Variants in SLFN14 observed in about 807,000 individuals in gnomAD.
The protein encoded by SLFN14 is schlafen family member 14.
In SLFN14, 47 loss-of-function variants were observed where a neutral mutation model predicts 58.6. The observed-to-expected ratio is 0.80, with a 90% CI of 0.64 to 1.02. The LOEUF (loss-of-function observed/expected upper bound fraction) is 1.02. Among genes scored for constraint, SLFN14 ranks in the 50% least tolerant of loss-of-function variants. SLFN14 has a pLI of 0.00. For synonymous variants in SLFN14, 390 were observed against 387.3 expected, an observed-to-expected ratio of 1.01 and a Z score of -0.08; for missense variants, 967 against 1,078.4, an observed-to-expected ratio of 0.90 and a Z score of 1.45.
At chr17:35,554,555 G>A in intron 4 of SLFN14, 21 bp downstream of exon 4, 1 of 1,518,218 alleles carries the variant, frequency 6.6e-7, no homozygotes, top group South Asian at 1.3e-5. Context: ...AGTCCCCTAA[G>A]TTGAAATCAA....
Position 35,557,141 on chromosome 17 carries a change from A to G in SLFN14, c.922T>C (p.Tyr308His). ...NVYQKDVLDG[Y>H]VCVIQVEPFC... ...GGCTCCACTTGAATCACACAGACAT[A>G]ACCATCCAGGACATCTTTTTGGTAC... The change falls in exon 3 of 6, where the codon TAT (tyrosine) becomes CAT (histidine). Residue 308 changes from tyrosine (Y) to histidine (H), a missense_variant. Physicochemically the swap from Tyr to His is moderately conservative, Grantham distance 83 (BLOSUM62 2). Transcript: ENST00000674182. 6.4e-7 allele frequency: 1 copy of G among 1,551,690 alleles called. No individual in the cohort carries two copies. The highest frequency in any genetic ancestry group is 8.7e-7 in the Non-Finnish European group (1 of 1,146,986).
In SLFN14 at chr17:35,549,140, C is replaced by T. The variant is rs866085366; in HGVS notation, c.1905-67G>A. Reference sequence around the variant, plus strand: ...AGAGAACACCAGCAGTCATTACTCTCTGGAATGGAATCAGAGGCTGATTCT... The same window carrying T: ...AGAGAACACCAGCAGTCATTACTCTTTGGAATGGAATCAGAGGCTGATTCT... On this transcript the variant is annotated intron_variant, in intron 5 of 5. Coordinates refer to ENST00000674182, the MANE Select transcript of SLFN14 (RefSeq NM_001129820.2). 1.9e-5 allele frequency: 24 copies of T among 1,263,598 alleles called. No homozygotes were observed. In the Admixed American group the frequency reaches 3.9e-4, roughly 20 times the overall value. The allele number at this position is 1,263,598 out of a possible 1,614,324, so 78.3% of individuals were successfully genotyped here.
rs2072544999 is a variant in SLFN14 at position 35,547,724 on chromosome 17, A to C, written c.*515T>G. ...AATTGGCTACTTTTGAGACCTATGC[A>C]GTCAAAGTAACCAGCCTGGAGGGCA... On this transcript the variant is annotated 3_prime_UTR_variant, in exon 6 of 6. Coordinates refer to ENST00000674182, the MANE Select transcript of SLFN14 (RefSeq NM_001129820.2). Among the ~76,000 whole-genome samples the C allele has an allele frequency of 6.6e-6, 1 of 152,198 alleles. No individual in the cohort carries two copies. Among genetic ancestry groups the C allele is most frequent in the Non-Finnish European group, 1.5e-5 (1 of 68,038 alleles).
rs1264696731 is a variant in SLFN14, at chr17:35,544,124, G to A, written c.*4115C>T. ...TTGGATTCACATATCTCAGTGGCTG[G>A]TGGGCCACCCAGGGTACATTCTTTG... On this transcript the variant is annotated 3_prime_UTR_variant, in exon 6 of 6. Transcript: ENST00000674182. Among the ~76,000 whole-genome samples the A allele has an allele frequency of 6.6e-6, 1 of 152,206 alleles. No homozygotes were observed.
At position 35,550,423 on chromosome 17, in the gene SLFN14, G is replaced by T. The variant is rs141944347; in HGVS notation, c.1905-1350C>A. On this transcript the variant is annotated intron_variant, in intron 5 of 5. Transcript: ENST00000674182. Reference sequence around the variant, plus strand: ...TAGCTAGGCGTGGTGATGCACACTTGTAATCCCAGCTACTCGGGAGGCTGA... The same window carrying T: ...TAGCTAGGCGTGGTGATGCACACTTTTAATCCCAGCTACTCGGGAGGCTGA... Among the ~76,000 whole-genome samples the T allele has an allele frequency of 3.9e-4, 59 of 152,306 alleles. No individual in the cohort carries two copies. In the East Asian group the frequency reaches 9.3e-3, roughly 24 times the overall value.
At chr17:35,556,873 G>A in intron 3 of SLFN14, 130 bp downstream of exon 3, 1 of 853,918 alleles carries the variant, frequency 1.2e-6, no homozygotes, top group Non-Finnish European at 1.7e-6. Flanking sequence ...AAGGAACACT[G>A]TAATGGGAGA....
intron 5 of SLFN14, among the ~76,000 whole-genome samples, chr17:35,551,659 G>A (rs2072588796): frequency 6.6e-6 from 1 of 152,184 alleles, no homozygotes; most frequent in African/African-American, 2.4e-5. Flanking sequence ...CACCTTGCAA[G>A]ATCAACTTAA....
chr17:35,552,701 T>G (rs1455555965), intron 5 of SLFN14, 29 bp downstream of exon 5: 11 of 1,424,070 alleles, frequency 7.7e-6, no homozygotes, highest in Non-Finnish European at 9.4e-7. Flanking sequence ...TACATATTTT[T>G]GTGTGTGTGT....
intron 3 of SLFN14, among the ~76,000 whole-genome samples, chr17:35,556,030 T>A (rs572915685): frequency 7.2e-5 from 11 of 151,814 alleles, no homozygotes; most frequent in Non-Finnish European, 1.3e-4. Flanking sequence ...ATTTTTATTT[T>A]TTTATTTTTA....
chr17:35,560,516 TG>T (rs1412336646), intron 1 of SLFN14, among the ~76,000 whole-genome samples: 1 of 151,984 alleles, frequency 6.6e-6, no homozygotes, highest in Non-Finnish European at 1.5e-5. Flanking sequence ...TTAGTAGAGA[TG>T]GGGTTTCACC....
intron 3 of SLFN14, among the ~76,000 whole-genome samples, chr17:35,556,773 T>C (rs2072655939): frequency 6.6e-6 from 1 of 152,132 alleles, no homozygotes; most frequent in Non-Finnish European, 1.5e-5. Flanking sequence ...TGACAGAGTC[T>C]AAAGAAAAAA....
intron 4 of SLFN14, 56 bp from the exon 5 acceptor site, chr17:35,553,500 T>C: frequency 7.4e-7 from 1 of 1,342,774 alleles, no homozygotes; most frequent in Non-Finnish European, 1.0e-6. Flanking sequence ...TGGTAAGTAT[T>C]CCTGCAACGT....
rs2072671487 is a variant in SLFN14, at chr17:35,558,100, G to A, written c.-38C>T. 6.7e-7 allele frequency: 1 copy of A among 1,494,064 alleles called. No homozygotes were observed. The highest frequency in any genetic ancestry group is 9.0e-7 in the Non-Finnish European group (1 of 1,109,664). 92.6% of individuals were successfully genotyped at this position (1,494,064 alleles called of 1,614,324 possible). A position where few individuals can be genotyped will look rare whatever the true frequency, so the allele number is the denominator to read the frequency against. Reference sequence around the variant, plus strand: ...TCTGTGCTCCAAACAATAAAAGAAAGGAGTTCCTATAATCAGGACAGAAAT... The same window carrying A: ...TCTGTGCTCCAAACAATAAAAGAAAAGAGTTCCTATAATCAGGACAGAAAT... On this transcript the variant is annotated 5_prime_UTR_variant, in exon 3 of 6. Coordinates refer to ENST00000674182, the MANE Select transcript of SLFN14 (RefSeq NM_001129820.2).
chr17:35,553,333 C>T lies in SLFN14; in HGVS notation c.1301G>A (p.Gly434Glu), dbSNP rs1244483553. 1 of 1,551,590 alleles carries T rather than the reference C, an allele frequency of 6.4e-7. No individual in the cohort carries two copies. The highest frequency in any genetic ancestry group is 1.2e-5 in the South Asian group (1 of 84,056). Residue 434 changes from glycine to glutamate, a missense_variant, in exon 5 of 6, where the codon GGG (glycine) becomes GAG (glutamate). Transcript: ENST00000674182. ...CCAGCTTCTAGAAAATATCACAATC[C>T]CCTGAGAACAAGGATGTATCAGGGT... ...MKTLIHPCSQ[G>E]IVIFSRSWAG... is the part of the protein sequence containing the mutation.
chr17:35,553,272 G>A lies in SLFN14; in HGVS notation c.1362C>T (p.Val454=). 1 of 1,551,626 alleles carries A rather than the reference G, an allele frequency of 6.4e-7. No individual in the cohort carries two copies. The highest frequency in any genetic ancestry group is 8.7e-7 in the Non-Finnish European group (1 of 1,146,994). Residue 454 remains valine (V), a synonymous_variant, in exon 5 of 6, where the codon GTC becomes GTT. Coordinates refer to ENST00000674182, the MANE Select transcript of SLFN14 (RefSeq NM_001129820.2). ...GDVGFRKEQN[V]LCDALLIAVN... is the part of the protein sequence containing the mutation. ...CTGCTATCAGGAGAGCATCACACAGGACATTCTGTTCTTTCCTGAAGCCAA... is the reference window on the plus strand; with the variant it reads ...CTGCTATCAGGAGAGCATCACACAGAACATTCTGTTCTTTCCTGAAGCCAA...
At chr17:35,550,557 A>T (rs1251383423) in intron 5 of SLFN14, among the ~76,000 whole-genome samples, 1 of 152,212 alleles carries the variant, frequency 6.6e-6, no homozygotes, top group Non-Finnish European at 1.5e-5. Context: ...AAAATAAATT[A>T]ATTAATTAGT....
rs951440941 is a variant in SLFN14, at chr17:35,547,872, A to C, written c.*367T>G. On this transcript the variant is annotated 3_prime_UTR_variant, in exon 6 of 6. Coordinates refer to ENST00000674182, the MANE Select transcript of SLFN14 (RefSeq NM_001129820.2). ...CAGGGCATATTAATGAAAGCCTTGA[A>C]AATTGGTTAGGTTTGAAGGCTGTGG... Among the ~76,000 whole-genome samples, 9 of 152,228 alleles carry C rather than the reference A, an allele frequency of 5.9e-5. No homozygotes were observed. The highest frequency in any genetic ancestry group is 1.2e-4 in the Non-Finnish European group (8 of 68,040).
Position 35,557,205 on chromosome 17 carries a change from C to A in SLFN14, c.858G>T (p.Glu286Asp). 6.4e-7 allele frequency: 1 copy of A among 1,551,734 alleles called. No individual in the cohort carries two copies. The highest frequency in any genetic ancestry group is 8.7e-7 in the Non-Finnish European group (1 of 1,146,998). Reference sequence around the variant, plus strand: ...TTGTAGTGAAATTTACCTTTGGCTTCTCACAGCAGAAGTGGAATGTAGGCA... The same window carrying A: ...TTGTAGTGAAATTTACCTTTGGCTTATCACAGCAGAAGTGGAATGTAGGCA... ...EKLPTFHFCC[E>D]KPKVNFTTKI... is the part of the protein sequence containing the mutation. The change falls in exon 3 of 6, where the codon GAG becomes GAT. Residue 286 changes from glutamate to aspartate, a missense_variant. Coordinates refer to ENST00000674182, the MANE Select transcript of SLFN14 (RefSeq NM_001129820.2).
At chr17:35,556,851 A>T (rs754733611) in intron 3 of SLFN14, among the ~76,000 whole-genome samples, 152 bp downstream of exon 3, 3 of 152,232 alleles carry the variant, frequency 2.0e-5, no homozygotes, top group Non-Finnish European at 4.4e-5. Context: ...TTTGGAACTA[A>T]AAATGTTAGA....
Sources: gnomAD v4.1 joint callset for allele counts (sites outside exome capture counted in the v4.1 genomes callset) on GRCh38, gnomAD v4.1.1 for gene constraint, MANE v1.5 for transcripts, NCBI Gene and HGNC (gene_info 2026-07-23, HGNC 2026-07-21) for gene names.